Variants in MAMLD1 observed in about 807,000 individuals in gnomAD.
MAMLD1 encodes mastermind like domain containing 1.
MAMLD1 carries 14 observed loss-of-function variants against 45.0 expected under a neutral mutation model. That is an observed-to-expected ratio of 0.31 (90% CI 0.21 to 0.49). The LOEUF (loss-of-function observed/expected upper bound fraction) is 0.49, where lower values mean the gene tolerates loss of function less well. Among genes scored for constraint, MAMLD1 ranks in the 20% least tolerant of loss-of-function variants. The pLI, the probability that MAMLD1 is intolerant of heterozygous loss-of-function variation, is 0.99. For synonymous variants in MAMLD1, 254 were observed against 247.8 expected (o/e 1.02, Z -0.24); for missense variants, 543 against 603.6 (o/e 0.90, Z 1.05).
At chrX:150,466,362 G>A (rs782002382) in intron 3 of MAMLD1, among the ~76,000 whole-genome samples, 13 of 112,348 alleles carry the variant, frequency 1.2e-4, no homozygotes, top group Admixed American at 5.6e-4. Flanking sequence ...CTCATTCCAT[G>A]AAATCCAAAA....
chrX:150,364,388 AC>A (rs1204439495), intron 1 of MAMLD1, among the ~76,000 whole-genome samples: 5 of 113,340 alleles, frequency 4.4e-5, no homozygotes, highest in Non-Finnish European at 9.4e-5. Flanking sequence ...CTGAGCAGAC[AC>A]TAATAGGATT....
chrX:150,398,260 GAAGAAGAAGA>G (rs1557402315), intron 1 of MAMLD1, among the ~76,000 whole-genome samples: 2 of 26,512 alleles, frequency 7.5e-5, no homozygotes, highest in East Asian at 1.5e-3. Flanking sequence ...AGGAGAAGAA[GAAGAAGAAGA>G]AGAAGAAGAA....
At chrX:150,492,338 A>ACGGTACC (rs1211642216) in intron 5 of MAMLD1, among the ~76,000 whole-genome samples, 1 of 112,641 alleles carries the variant, frequency 8.9e-6, no homozygotes, top group Non-Finnish European at 1.9e-5. Flanking sequence ...TCAGAAATAC[A>ACGGTACC]CGGTACCCTT....
intron 1 of MAMLD1, among the ~76,000 whole-genome samples, chrX:150,369,948 G>C (rs1280781148): frequency 7.4e-5 from 8 of 108,805 alleles, no homozygotes; most frequent in African/African-American, 2.4e-4. Context: ...AAAGGGGCAG[G>C]GGTGAACATT....
chrX:150,415,292 G>A (rs1299433621), intron 1 of MAMLD1, among the ~76,000 whole-genome samples: 2 of 112,775 alleles, frequency 1.8e-5, no homozygotes, highest in African/African-American at 6.4e-5. Flanking sequence ...CTCATAAAAA[G>A]CAATTTCTTA....
chrX:150,421,291 C>T lies in MAMLD1; in HGVS notation c.-63-24163C>T, dbSNP rs782159439. ...GGTGAGGCAATGCCTCGCCCTGCTTCGCTCGCGCACGGTGCACGCACCCAC... is the reference window on the plus strand; with the variant it reads ...GGTGAGGCAATGCCTCGCCCTGCTTTGCTCGCGCACGGTGCACGCACCCAC... On this transcript the variant is annotated intron_variant, in intron 1 of 7. Coordinates refer to ENST00000370401, the MANE Select transcript of MAMLD1 (RefSeq NM_005491.5). 4.1e-4 allele frequency among the ~76,000 whole-genome samples: 46 copies of T among 112,315 alleles called. 1 individual carries two copies. The South Asian group carries it at 0.017, about 42-fold the overall frequency.
At chrX:150,455,290 A>T (rs2035817703) in intron 2 of MAMLD1, among the ~76,000 whole-genome samples, 1 of 111,689 alleles carries the variant, frequency 9.0e-6, no homozygotes. Flanking sequence ...TATACTGAGG[A>T]TTTCCTTTCA....
chrX:150,428,831 G>C lies in MAMLD1; in HGVS notation c.-63-16623G>C, dbSNP rs782129388. 3.6e-5 allele frequency among the ~76,000 whole-genome samples: 4 copies of C among 111,706 alleles called. No homozygotes were observed. The East Asian group carries it at 1.1e-3, about 32-fold the overall frequency. On this transcript the variant is annotated intron_variant, in intron 1 of 7. Coordinates refer to ENST00000370401, the MANE Select transcript of MAMLD1 (RefSeq NM_005491.5). ...TGAAGATTGTGGTGGTGAGGGAGTA[G>C]GCAGCTACTGCACACCAGAGAATTG...
At chrX:150,506,483 G>A (rs781971632) in intron 6 of MAMLD1, among the ~76,000 whole-genome samples, 1 of 110,602 alleles carries the variant, frequency 9.0e-6, no homozygotes, top group East Asian at 2.8e-4. Context: ...CAGAAGTCTT[G>A]TCATTTGAAT....
intron 1 of MAMLD1, among the ~76,000 whole-genome samples, chrX:150,367,770 T>A (rs782285363): frequency 2.8e-3 from 305 of 107,950 alleles, no homozygotes; most frequent in African/African-American, 9.9e-3. Flanking sequence ...CCATGTGTTC[T>A]CATTGTTCAA....
At chrX:150,364,866 G>A (rs1238406296) in intron 1 of MAMLD1, among the ~76,000 whole-genome samples, 2 of 113,083 alleles carry the variant, frequency 1.8e-5, no homozygotes, top group East Asian at 2.8e-4. Flanking sequence ...CAGCGGCCCC[G>A]GCCCGCGCCT....
At chrX:150,508,776 G>A (rs781861286) in intron 6 of MAMLD1, among the ~76,000 whole-genome samples, 17 of 112,255 alleles carry the variant, frequency 1.5e-4, no homozygotes, top group African/African-American at 4.2e-4. Flanking sequence ...TGGCATCTTC[G>A]GGGGGACACA....
chrX:150,510,379 C>T (rs782306458), intron 7 of MAMLD1, among the ~76,000 whole-genome samples: 2 of 111,717 alleles, frequency 1.8e-5, no homozygotes, highest in African/African-American at 6.5e-5. Context: ...GGGCTCTGAT[C>T]CTGCCCTTCT....
rs2032709519 is a variant in MAMLD1 at position 150,382,895 on chromosome X, TTTTTTA to T, written c.-64+19371_-64+19376del. 2.6e-4 allele frequency among the ~76,000 whole-genome samples: 5 copies of T among 19,387 alleles called. 2 individuals are homozygous for T. The highest frequency in any genetic ancestry group is 7.4e-4 in the Admixed American group (2 of 2,689). The allele number at this position is 19,387 out of a possible 115,157, so 16.8% of individuals were successfully genotyped here. On this transcript the variant is annotated intron_variant, in intron 1 of 7. Coordinates refer to ENST00000370401, the MANE Select transcript of MAMLD1 (RefSeq NM_005491.5). ...GTCCCATTTTATTTTATTTTTTTTT[TTTTTTA>T]TTTTTTATTTTTTTTTTTTTTGAGA... is the stretch of plus-strand genomic sequence containing the variant.
At chrX:150,478,640 A>G (rs1557406966) in intron 5 of MAMLD1, among the ~76,000 whole-genome samples, 1 of 112,577 alleles carries the variant, frequency 8.9e-6, no homozygotes, top group African/African-American at 3.2e-5. Context: ...GTCAAATGAT[A>G]AGTAAGGAAG....
chrX:150,506,173 G>A (rs1303612838), intron 6 of MAMLD1, among the ~76,000 whole-genome samples: 2 of 111,563 alleles, frequency 1.8e-5, no homozygotes, highest in Non-Finnish European at 3.8e-5. Context: ...CTGTGTGGCA[G>A]GCTGGCTCTC....
At chrX:150,421,053 A>C (rs1557403513) in intron 1 of MAMLD1, 1 of 116,087 alleles carries the variant, frequency 8.6e-6, no homozygotes, top group Non-Finnish European at 1.8e-5. Flanking sequence ...GCTGCCTTGC[A>C]GTTTGATCTG....
chrX:150,374,010 C>T (rs2032175411), intron 1 of MAMLD1, among the ~76,000 whole-genome samples: 1 of 111,854 alleles, frequency 8.9e-6, no homozygotes, highest in African/African-American at 3.3e-5. Context: ...TCTGAGCTTG[C>T]CCTCAGGGAA....
At chrX:150,420,353 A>T (rs2034447250) in intron 1 of MAMLD1, among the ~76,000 whole-genome samples, 1 of 95,797 alleles carries the variant, frequency 1.0e-5, no homozygotes, top group Non-Finnish European at 2.1e-5. Flanking sequence ...AATTTTTTTC[A>T]AAGTTTTCAA....
Sources: allele counts gnomAD v4.1 joint callset (sites outside exome capture counted in the v4.1 genomes callset), GRCh38; gene constraint gnomAD v4.1.1; transcripts MANE v1.5; gene names NCBI Gene and HGNC (gene_info 2026-07-23, HGNC 2026-07-21).